The following GMPS variants were observed in gnomAD, a reference collection of about 807,000 sequenced individuals.
GMPS encodes GMP synthase [glutamine-hydrolyzing].
In GMPS, 15 loss-of-function variants were observed where a neutral mutation model predicts 77.9. The observed-to-expected ratio is 0.19, with a 90% CI of 0.13 to 0.30. The LOEUF (loss-of-function observed/expected upper bound fraction) is 0.30, where lower values mean the gene tolerates loss of function less well. Ranked by LOEUF, GMPS falls within the 10% of genes least tolerant of loss-of-function variation. GMPS has a pLI of 1.00. For missense variants in GMPS, 590 were observed against 838.8 expected (o/e 0.70, Z 3.66); for synonymous variants, 224 against 275.9 (o/e 0.81, Z 1.86).
At chr3:155,928,986 G>A (rs180727022) in intron 12 of GMPS, among the ~76,000 whole-genome samples, 8,944 of 150,556 alleles carry the variant, frequency 0.059, 406 homozygotes, top group Non-Finnish European at 0.092. Context: ...GAATAATGCC[G>A]CAATAAACAT....
intron 1 of GMPS, 22 bp from the exon 2 acceptor site, chr3:155,893,496 G>C: frequency 6.5e-7 from 1 of 1,528,226 alleles, no homozygotes; most frequent in Non-Finnish European, 8.9e-7. Flanking sequence ...TTAAGACTTT[G>C]TATTTGTATT....
intron 8 of GMPS, 143 bp downstream of exon 8, chr3:155,914,713 G>A (rs1577523244): frequency 2.0e-6 from 1 of 506,992 alleles, no homozygotes; most frequent in East Asian, 3.4e-5. Context: ...ATTGTATATT[G>A]TCATTATATT....
chr3:155,917,292 G>A (rs1755205952), intron 9 of GMPS, among the ~76,000 whole-genome samples: 1 of 152,058 alleles, frequency 6.6e-6, no homozygotes, highest in African/African-American at 2.4e-5. Flanking sequence ...CTATTTTTAA[G>A]TATATAGTTC....
chr3:155,941,170 C>T lies in GMPS; in HGVS notation c.*3478C>T, dbSNP rs1038917007. 1.6e-4 allele frequency: 29 copies of T among 178,246 alleles called. No homozygotes were observed. In the East Asian group the frequency reaches 2.4e-3, roughly 15 times the overall value. The allele number at this position is 178,246 out of a possible 1,614,324, so 11.0% of individuals were successfully genotyped here. ...CTGTAATCCCAGCACTTTGGGAGGC[C>T]GAGGTGGGTGGATCACGAGATCAGG... On this transcript the variant is annotated 3_prime_UTR_variant, in exon 16 of 16. Coordinates refer to ENST00000496455, the MANE Select transcript of GMPS (RefSeq NM_003875.3).
chr3:155,932,277 AACACACACACACACACACACACAC>A (rs10548751), intron 13 of GMPS, among the ~76,000 whole-genome samples: 2 of 141,150 alleles, frequency 1.4e-5, no homozygotes, highest in African/African-American at 5.3e-5. Flanking sequence ...CAAATAAAGT[AACACACACACACACACACACACAC>A]ACACACACAC....
chr3:155,880,599 A>AGT (rs1754187904), intron 1 of GMPS, among the ~76,000 whole-genome samples: 2 of 152,254 alleles, frequency 1.3e-5, no homozygotes, highest in African/African-American at 4.8e-5. Context: ...ACCCCAATCA[A>AGT]GATATAGAAC....
In GMPS at chr3:155,941,131, G is replaced by A. The variant is rs866774097; in HGVS notation, c.*3439G>A. On this transcript the variant is annotated 3_prime_UTR_variant, in exon 16 of 16. Transcript: ENST00000496455. ...CTTAAAAGGAAGTTCTTGGCCGGGCGCGGTGGCTCATGCCTGTAATCCCAG... is the reference window on the plus strand; with the variant it reads ...CTTAAAAGGAAGTTCTTGGCCGGGCACGGTGGCTCATGCCTGTAATCCCAG... 1.2e-4 allele frequency: 21 copies of A among 181,544 alleles called. No individual in the cohort carries two copies. The highest frequency in any genetic ancestry group is 3.9e-4 in the South Asian group (2 of 5,072). 11.2% of individuals were successfully genotyped at this position (181,544 alleles called of 1,614,324 possible). A position where few individuals can be genotyped will look rare whatever the true frequency, so the allele number is the denominator to read the frequency against.
chr3:155,893,248 A>G (rs2108073399), intron 1 of GMPS, among the ~76,000 whole-genome samples: 1 of 152,384 alleles, frequency 6.6e-6, no homozygotes, highest in African/African-American at 2.4e-5. Context: ...CCATTAGATC[A>G]TGCATGTAAG....
At chr3:155,911,597 G>A (rs887051808) in intron 7 of GMPS, among the ~76,000 whole-genome samples, 1 of 152,074 alleles carries the variant, frequency 6.6e-6, no homozygotes, top group Non-Finnish European at 1.5e-5. Context: ...AGCACTTAGG[G>A]AGATCAAGGT....
At chr3:155,926,282 G>C (rs182887909) in intron 12 of GMPS, among the ~76,000 whole-genome samples, 21 of 152,292 alleles carry the variant, frequency 1.4e-4, no homozygotes, top group Admixed American at 1.2e-3. Flanking sequence ...AAAGTGTTAG[G>C]ATTGGAAGCA....
intron 3 of GMPS, among the ~76,000 whole-genome samples, chr3:155,902,471 GA>G (rs1342778751): frequency 3.3e-5 from 5 of 152,164 alleles, no homozygotes; most frequent in African/African-American, 4.8e-5. Flanking sequence ...TGTGATGTGT[GA>G]AAAATAAAAT....
chr3:155,884,298 A>G (rs943948047), intron 1 of GMPS, among the ~76,000 whole-genome samples: 18 of 151,668 alleles, frequency 1.2e-4, no homozygotes, highest in African/African-American at 4.4e-4. Context: ...AGGCAGGACA[A>G]TCACTTGAAC....
At position 155,893,647 on chromosome 3, in the gene GMPS, G is replaced by A; in HGVS notation, c.157G>A (p.Glu53Lys). 1 of 1,612,052 alleles carries A rather than the reference G, an allele frequency of 6.2e-7. No individual in the cohort carries two copies. Among genetic ancestry groups the A allele is most frequent in the Non-Finnish European group, 8.5e-7 (1 of 1,178,532 alleles). ...RRVRELFVQS[E>K]IFPLETPAFA... is the part of the protein sequence containing the mutation. ...AGTGAGGGAACTGTTCGTGCAGTCT[G>A]AAATTTTCCCCTTGGAAACACCAGC... Residue 53 changes from glutamate to lysine, a missense_variant, in exon 2 of 16, where the codon GAA becomes AAA. Around this residue, in one of 6 missense-constraint regions of GMPS, gnomAD observed 136 missense variants for 225.6 expected, o/e 0.60. Coordinates refer to ENST00000496455, the MANE Select transcript of GMPS (RefSeq NM_003875.3).
chr3:155,889,071 C>A (rs1754405603), intron 1 of GMPS, among the ~76,000 whole-genome samples: 1 of 152,124 alleles, frequency 6.6e-6, no homozygotes, highest in African/African-American at 2.4e-5. Context: ...GATTTAACTT[C>A]TATACTTTGT....
At chr3:155,936,253 G>A in intron 14 of GMPS, 85 bp from the exon 15 acceptor site, 1 of 817,258 alleles carries the variant, frequency 1.2e-6, no homozygotes. Flanking sequence ...TGTGATTTCA[G>A]ATATTGCCTG....
intron 1 of GMPS, among the ~76,000 whole-genome samples, chr3:155,877,812 T>C (rs1402587317): frequency 6.6e-6 from 1 of 151,374 alleles, no homozygotes; most frequent in Non-Finnish European, 1.5e-5. Context: ...TTTTTTTTTT[T>C]TTTGAGACAG....
At position 155,942,159 on chromosome 3, in the gene GMPS, TCA is replaced by T. The variant is rs1755907712; in HGVS notation, c.*4469_*4470del. 1 of 185,892 alleles carries T rather than the reference TCA, an allele frequency of 5.4e-6. No individual in the cohort carries two copies. Among genetic ancestry groups the T allele is most frequent in the East Asian group, 8.7e-5 (1 of 11,502 alleles). 11.5% of individuals were successfully genotyped at this position (185,892 alleles called of 1,614,324 possible). On this transcript the variant is annotated 3_prime_UTR_variant, in exon 16 of 16. Transcript: ENST00000496455. ...CCAAGTGCAGTGGCACAATCTCGGC[TCA>T]CTGCAAGCTCCGCTTCGTGGGTTCA...
At position 155,934,850 on chromosome 3, in the gene GMPS, A is replaced by G. The variant is rs570232582; in HGVS notation, c.1677-66A>G. 80 of 1,076,612 alleles carry G rather than the reference A, an allele frequency of 7.4e-5. No homozygotes were observed. In the East Asian group the frequency reaches 1.6e-3, roughly 21 times the overall value. The allele number at this position is 1,076,612 out of a possible 1,614,324, so 66.7% of individuals were successfully genotyped here. On this transcript the variant is annotated intron_variant, in intron 13 of 15. Transcript: ENST00000496455. ...TACTGTTCTAAGTGCCTTGCTTCTC[A>G]TACTAAAATGTAATTTCTACATTTG...
intron 2 of GMPS, among the ~76,000 whole-genome samples, chr3:155,894,121 T>G (rs925539595): frequency 1.3e-5 from 2 of 152,234 alleles, no homozygotes; most frequent in African/African-American, 4.8e-5. Flanking sequence ...ATTTCTTAAA[T>G]CTAATATATG....
Sources: gnomAD v4.1 joint callset for allele counts (sites outside exome capture counted in the v4.1 genomes callset) on GRCh38, gnomAD v4.1.1 for gene constraint, gnomAD v4.1.1 regional missense constraint, MANE v1.5 for transcripts, NCBI Gene and HGNC (gene_info 2026-07-23, HGNC 2026-07-21) for gene names.